Variants in GUCY1A1 observed in about 807,000 individuals in gnomAD.
The protein encoded by GUCY1A1 is guanylate cyclase 1 soluble subunit alpha 1.
A neutral mutation model predicts 64.5 loss-of-function variants in GUCY1A1; 48 were observed. That is an observed-to-expected ratio of 0.74 (90% CI 0.59 to 0.95). The LOEUF is 0.95. GUCY1A1 is among the 40% of genes least tolerant of loss of function. GUCY1A1 has a pLI of 0.00. For missense variants in GUCY1A1, 804 were observed against 825.3 expected (o/e 0.97, Z 0.32); for synonymous variants, 308 against 303.4 (o/e 1.02, Z -0.16).
intron 2 of GUCY1A1, among the ~76,000 whole-genome samples, chr4:155,696,532 A>T (rs933583928): frequency 5.3e-5 from 8 of 152,262 alleles, no homozygotes; most frequent in Admixed American, 3.9e-4. Flanking sequence ...TTTATTTTAA[A>T]AGTTAAAATA....
At chr4:155,716,389 G>T (rs1337973308) in intron 7 of GUCY1A1, among the ~76,000 whole-genome samples, 2 of 152,114 alleles carry the variant, frequency 1.3e-5, no homozygotes, top group Non-Finnish European at 2.9e-5. Flanking sequence ...GAATTAGGGG[G>T]TTATTTCTGG....
Position 155,711,210 on chromosome 4 carries a change from C to G in GUCY1A1, c.1045C>G (p.Arg349Gly). Residue 349 changes from arginine (R) to glycine (G), a missense_variant, in exon 6 of 10, where the codon CGA becomes GGA. Arg to Gly is a moderately radical substitution (Grantham distance 125). Coordinates refer to ENST00000506455, the MANE Select transcript of GUCY1A1 (RefSeq NM_001130682.3). ...MTMLNMQFVVRVRRWDNSVKK... is the reference protein window; with the variant it reads ...MTMLNMQFVVGVRRWDNSVKK... ...TATGTTGAATATGCAGTTTGTTGTA[C>G]GAGTGAGGAGATGGGACAACTCTGT... The G allele has an allele frequency of 1.2e-6, 2 of 1,609,432 alleles. No individual in the cohort carries two copies. The highest frequency in any genetic ancestry group is 1.7e-6 in the Non-Finnish European group (2 of 1,175,852).
intron 5 of GUCY1A1, among the ~76,000 whole-genome samples, chr4:155,708,541 ATTCACAGGCTTTGATCTTGAACCTAAC>A (rs1392772201): frequency 6.6e-6 from 1 of 152,146 alleles, no homozygotes; most frequent in Non-Finnish European, 1.5e-5. Flanking sequence ...TCTCACAGAT[ATTCACAGGCTTTGATCTTGAACCTAAC>A]TAACTGTTCC....
chr4:155,682,156 G>A (rs958379069), intron 2 of GUCY1A1, among the ~76,000 whole-genome samples: 3 of 151,614 alleles, frequency 2.0e-5, no homozygotes, highest in African/African-American at 7.3e-5. Flanking sequence ...CACTTACACT[G>A]TTCTTTCTCT....
At chr4:155,679,186 G>GGT (rs1553993877) in intron 2 of GUCY1A1, among the ~76,000 whole-genome samples, 12,998 of 68,576 alleles carry the variant, frequency 0.19, 764 homozygotes, top group South Asian at 0.4. Flanking sequence ...AATATTTCAT[G>GGT]TTTTTTTTTT....
chr4:155,725,589 T>C (rs1267074036), intron 9 of GUCY1A1, among the ~76,000 whole-genome samples: 1 of 152,090 alleles, frequency 6.6e-6, no homozygotes, highest in Non-Finnish European at 1.5e-5. Context: ...ATATTTTCCT[T>C]TTTCTTCTAT....
rs373362560 is a variant in GUCY1A1 at position 155,717,186 on chromosome 4, G to A, written c.1600G>A (p.Val534Ile). ...GGAGACCATTGGCGATGCCTATTGT[G>A]TAGCTGGGGGATTACACAAAGAGAG... is the stretch of plus-strand genomic sequence containing the variant. ...KVETIGDAYC[V>I]AGGLHKESDT... Residue 534 changes from valine to isoleucine, a missense_variant, in exon 8 of 10, where the codon GTA becomes ATA. By Grantham distance (29) the Val-to-Ile change is conservative. Coordinates refer to ENST00000506455, the MANE Select transcript of GUCY1A1 (RefSeq NM_001130682.3). 36 of 1,542,684 alleles carry A rather than the reference G, an allele frequency of 2.3e-5. No homozygotes were observed. The highest frequency in any genetic ancestry group is 3.0e-5 in the Non-Finnish European group (34 of 1,137,318).
intron 2 of GUCY1A1, among the ~76,000 whole-genome samples, chr4:155,686,414 G>A (rs190291335): frequency 6.3e-4 from 96 of 152,364 alleles, no homozygotes; most frequent in African/African-American, 2.3e-3. Context: ...CCGGGAGGCA[G>A]AGGTTGCAGT....
intron 2 of GUCY1A1, among the ~76,000 whole-genome samples, chr4:155,670,610 G>A (rs1185875682): frequency 1.3e-5 from 2 of 152,170 alleles, no homozygotes; most frequent in Non-Finnish European, 2.9e-5. Context: ...TGTAGAGTGG[G>A]CTTCCCTCTC....
rs1171700824 is a variant in GUCY1A1, at chr4:155,684,702, G to T, written c.-112-12054G>T. On this transcript the variant is annotated intron_variant, in intron 2 of 9. Transcript: ENST00000506455. Reference sequence around the variant, plus strand: ...TTGCCAAAGTTTATCCCTTGGCTTTGTTGTAAAGATCCTTTAAATGTGGCA... The same window carrying T: ...TTGCCAAAGTTTATCCCTTGGCTTTTTTGTAAAGATCCTTTAAATGTGGCA... 2.6e-5 allele frequency among the ~76,000 whole-genome samples: 4 copies of T among 152,220 alleles called. No individual in the cohort carries two copies. In the East Asian group the frequency reaches 7.7e-4, roughly 29 times the overall value.
rs1229261910 is a variant in GUCY1A1, at chr4:155,713,238, G to C, written c.1227G>C (p.Leu409=). 6.2e-7 allele frequency: 1 copy of C among 1,613,998 alleles called. No homozygotes were observed. Among genetic ancestry groups the C allele is most frequent in the Non-Finnish European group, 8.5e-7 (1 of 1,179,988 alleles). The change falls in exon 7 of 10, where the codon CTG becomes CTC. Residue 409 remains leucine (L), a synonymous_variant. Transcript: ENST00000506455. ...CAGACATCCCAATTCACAATGCACT[G>C]AGGGATGTGGTCTTAATAGGGGAAC... ...YLSDIPIHNA[L]RDVVLIGEQA...
chr4:155,712,954 A>C (rs1450806725), intron 6 of GUCY1A1, 144 bp from the exon 7 acceptor site: 3 of 639,262 alleles, frequency 4.7e-6, no homozygotes, highest in Non-Finnish European at 8.1e-6. Context: ...CTCATAGAAA[A>C]TAGGAACTAT....
intron 1 of GUCY1A1, 127 bp from the exon 2 acceptor site, chr4:155,667,219 G>A (rs1271703459): frequency 1.3e-5 from 2 of 152,054 alleles, no homozygotes; most frequent in African/African-American, 2.4e-5. Flanking sequence ...AGCGACCCAA[G>A]CGTAAGTGCC....
In GUCY1A1 at chr4:155,713,418, GC is replaced by G; in HGVS notation, c.1408del (p.Gln470LysfsTer65). On this transcript the variant is annotated frameshift_variant, in exon 7 of 10. Coordinates refer to ENST00000506455, the MANE Select transcript of GUCY1A1 (RefSeq NM_001130682.3). LOFTEE classifies it high-confidence loss of function. ...AGGTTGCTCAGCAGCTGTGGCAAGG[GC>G]AAGTTGTGCAAGCCAAGAAGTTCAG... ...CEVAQQLWQGQVVQAKKFSNV... is the reference protein window; with the variant it reads ...CEVAQQLWQGXVVQAKKFSNV... 1 of 1,614,128 alleles carries G rather than the reference GC, an allele frequency of 6.2e-7. No individual in the cohort carries two copies. Among genetic ancestry groups the G allele is most frequent in the Non-Finnish European group, 8.5e-7 (1 of 1,180,006 alleles).
At position 155,713,435 on chromosome 4, in the gene GUCY1A1, A is replaced by G; in HGVS notation, c.1424A>G (p.Lys475Arg). ...QLWQGQVVQAKKFSNVTMLFS... is the reference protein window; with the variant it reads ...QLWQGQVVQARKFSNVTMLFS... ...TGGCAAGGGCAAGTTGTGCAAGCCA[A>G]GAAGTTCAGTAATGTCACCATGCTC... Residue 475 changes from lysine to arginine, a missense_variant, in exon 7 of 10, where the codon AAG (lysine) becomes AGG (arginine). Lys to Arg is a conservative substitution (Grantham distance 26). Transcript: ENST00000506455. The G allele has an allele frequency of 6.2e-7, 1 of 1,614,178 alleles. No homozygotes were observed. The highest frequency in any genetic ancestry group is 8.5e-7 in the Non-Finnish European group (1 of 1,180,012).
Position 155,722,187 on chromosome 4 carries a change from T to G in GUCY1A1, c.1866T>G (p.Thr622=). 1 of 1,611,820 alleles carries G rather than the reference T, an allele frequency of 6.2e-7. No individual in the cohort carries two copies. The highest frequency in any genetic ancestry group is 8.5e-7 in the Non-Finnish European group (1 of 1,178,618). The change falls in exon 9 of 10, where the codon ACT becomes ACG. Residue 622 remains threonine, a synonymous_variant. Coordinates refer to ENST00000506455, the MANE Select transcript of GUCY1A1 (RefSeq NM_001130682.3). ...VPRKINVSPT[T]YRLLKDCPGF... ...GAAAAATCAATGTCAGCCCAACAAC[T>G]TACAGGTAGTAATTATGTTAAACAC...
intron 2 of GUCY1A1, among the ~76,000 whole-genome samples, chr4:155,685,603 G>GTTTTTTTTTTTTTTTTTTTT (rs70954055): frequency 4.6e-5 from 5 of 108,850 alleles, no homozygotes; most frequent in East Asian, 3.4e-4. Context: ...TTCTCCTTGT[G>GTTTTTTTTTTTTTTTTTTTT]TTTTTTTTTT....
At chr4:155,706,171 C>G (rs1209080997) in intron 4 of GUCY1A1, among the ~76,000 whole-genome samples, 3 of 152,106 alleles carry the variant, frequency 2.0e-5, no homozygotes, top group African/African-American at 7.2e-5. Flanking sequence ...TACCACTTCC[C>G]TGATGTCCCT....
chr4:155,689,604 A>G (rs1280165989), intron 2 of GUCY1A1, among the ~76,000 whole-genome samples: 2 of 152,214 alleles, frequency 1.3e-5, no homozygotes, highest in East Asian at 1.9e-4. Context: ...AAATCTCCCT[A>G]CTATAGAGTT....
Sources: allele counts gnomAD v4.1 joint callset (sites outside exome capture counted in the v4.1 genomes callset), GRCh38; gene constraint gnomAD v4.1.1; transcripts MANE v1.5; gene names NCBI Gene and HGNC (gene_info 2026-07-23, HGNC 2026-07-21).